The following RNF180 variants were observed in gnomAD, a reference collection of about 807,000 sequenced individuals.
RNF180 encodes the protein E3 ubiquitin-protein ligase RNF180.
In RNF180, 38 loss-of-function variants were observed where a neutral mutation model predicts 59.2. The ratio of observed to expected loss-of-function variants is 0.64; its 90% confidence interval spans 0.50 to 0.84. The LOEUF (loss-of-function observed/expected upper bound fraction) is 0.84. Ranked by LOEUF, RNF180 falls within the 40% of genes least tolerant of loss-of-function variation. The pLI is 0.00. For missense variants in RNF180, 705 were observed against 700.9 expected (o/e 1.01, Z -0.07); for synonymous variants, 262 against 240.3 (o/e 1.09, Z -0.84).
rs564008557 is a variant in RNF180 at position 64,249,144 on chromosome 5, C to G, written c.1227+31748C>G. On this transcript the variant is annotated intron_variant, in intron 5 of 7. Transcript: ENST00000389100. ...TGGAGGGATAGCGTTAGGAGAAATA[C>G]CTAATGTAGGTGACGGGTTAATTGG... Among the ~76,000 whole-genome samples, 12 of 152,176 alleles carry G rather than the reference C, an allele frequency of 7.9e-5. No homozygotes were observed. The South Asian group carries it at 2.3e-3, about 29-fold the overall frequency.
At chr5:64,212,000 A>G in intron 2 of RNF180, 65 bp from the exon 3 acceptor site, 1 of 940,738 alleles carries the variant, frequency 1.1e-6, no homozygotes, top group Non-Finnish European at 1.7e-6. Context: ...TTTTACTTAA[A>G]TATGAAACCT....
chr5:64,292,764 C>A lies in RNF180; in HGVS notation c.1228-32422C>A, dbSNP rs568939557. 7.9e-5 allele frequency among the ~76,000 whole-genome samples: 12 copies of A among 152,330 alleles called. 1 individual carries two copies. In the East Asian group the frequency reaches 2.3e-3, roughly 29 times the overall value. The stretch of plus-strand genomic sequence containing the variant: ...TGAACCACAGAGATATCAGCAGCCC[C>A]TCCCCCATGGGGCTTCATTCCATAG... On this transcript the variant is annotated intron_variant, in intron 5 of 7. Coordinates refer to ENST00000389100, the MANE Select transcript of RNF180 (RefSeq NM_001113561.2).
intron 7 of RNF180, among the ~76,000 whole-genome samples, chr5:64,337,771 C>A (rs1414439900): frequency 6.6e-6 from 1 of 150,564 alleles, no homozygotes; most frequent in Non-Finnish European, 1.5e-5. Flanking sequence ...GTTTTTTGTC[C>A]TTGCGATAGT....
chr5:64,181,518 CCT>C (rs1469618109), intron 1 of RNF180, among the ~76,000 whole-genome samples: 1 of 152,100 alleles, frequency 6.6e-6, no homozygotes, highest in African/African-American at 2.4e-5. Flanking sequence ...TGAAAAATGC[CCT>C]CTCTGAAAAA....
At chr5:64,263,808 T>C (rs1023846351) in intron 5 of RNF180, among the ~76,000 whole-genome samples, 7 of 152,196 alleles carry the variant, frequency 4.6e-5, no homozygotes, top group African/African-American at 1.7e-4. Context: ...TTAGTTACTT[T>C]AGTTACATCA....
rs557895301 is a variant in RNF180 at position 64,310,665 on chromosome 5, T to C, written c.1228-14521T>C. On this transcript the variant is annotated intron_variant, in intron 5 of 7. Coordinates refer to ENST00000389100, the MANE Select transcript of RNF180 (RefSeq NM_001113561.2). ...CTCAAGTGAAGTCCTAATTAGCACA[T>C]AGTTCTTTTGTAAATGGCAATCCAG... is the stretch of plus-strand genomic sequence containing the variant. Among the ~76,000 whole-genome samples, 40 of 152,036 alleles carry C rather than the reference T, an allele frequency of 2.6e-4. No homozygotes were observed. In the South Asian group the frequency reaches 7.9e-3, roughly 30 times the overall value.
At chr5:64,239,411 T>G (rs1742657371) in intron 5 of RNF180, among the ~76,000 whole-genome samples, 1 of 152,192 alleles carries the variant, frequency 6.6e-6, no homozygotes, top group South Asian at 2.1e-4. Context: ...TAGTAGTAAT[T>G]GCTTTTGCTG....
chr5:64,211,965 C>T (rs1745427284), intron 2 of RNF180, 100 bp from the exon 3 acceptor site: 3 of 658,234 alleles, frequency 4.6e-6, no homozygotes, highest in Admixed American at 5.2e-5. Flanking sequence ...TGCCTTCTAG[C>T]TAAAATAGAA....
intron 1 of RNF180, among the ~76,000 whole-genome samples, chr5:64,198,993 T>C (rs997260866): frequency 2.0e-5 from 3 of 152,144 alleles, no homozygotes; most frequent in Non-Finnish European, 4.4e-5. Flanking sequence ...AATTTTTGTA[T>C]TTTTAGTAGA....
chr5:64,196,717 T>G (rs898002708), intron 1 of RNF180, among the ~76,000 whole-genome samples: 2 of 152,124 alleles, frequency 1.3e-5, no homozygotes, highest in Admixed American at 1.3e-4. Flanking sequence ...ATTCTCCTTG[T>G]CTAGTTTTAT....
intron 5 of RNF180, among the ~76,000 whole-genome samples, chr5:64,312,987 TA>T (rs1743849697): frequency 6.6e-6 from 1 of 152,166 alleles, no homozygotes; most frequent in African/African-American, 2.4e-5. Context: ...GAGTATCCCT[TA>T]TCTAAAATGC....
At chr5:64,293,060 C>T (rs1165605375) in intron 5 of RNF180, among the ~76,000 whole-genome samples, 1 of 152,206 alleles carries the variant, frequency 6.6e-6, no homozygotes, top group Non-Finnish European at 1.5e-5. Context: ...AGGCAGTTTT[C>T]CAGCCTGTTG....
chr5:64,222,599 G>A (rs1741413004), intron 5 of RNF180, among the ~76,000 whole-genome samples: 1 of 152,174 alleles, frequency 6.6e-6, no homozygotes, highest in South Asian at 2.1e-4. Flanking sequence ...AGTAGCTAAG[G>A]TTTTTATTGG....
At chr5:64,242,395 A>G (rs1742859560) in intron 5 of RNF180, among the ~76,000 whole-genome samples, 1 of 152,216 alleles carries the variant, frequency 6.6e-6, no homozygotes, top group Non-Finnish European at 1.5e-5. Context: ...CAGTGACCCT[A>G]ATTAAATGCA....
At chr5:64,266,771 G>A (rs1346582364) in intron 5 of RNF180, among the ~76,000 whole-genome samples, 2 of 152,082 alleles carry the variant, frequency 1.3e-5, no homozygotes, top group Non-Finnish European at 2.9e-5. Context: ...TGTAAATCGA[G>A]AAAAGGACAG....
chr5:64,314,544 C>A (rs796727481), intron 5 of RNF180, among the ~76,000 whole-genome samples: 71 of 152,086 alleles, frequency 4.7e-4, no homozygotes, highest in African/African-American at 1.7e-3. Context: ...TCTTAAGATT[C>A]CTTTACAATC....
rs1746697043 is a variant in RNF180, at chr5:64,372,826, C to A, written c.*3012C>A. On this transcript the variant is annotated 3_prime_UTR_variant, in exon 8 of 8. Transcript: ENST00000389100. ...ATTTTCGAAGAACATTAAAGTTCTA[C>A]CAATGTAGAAGCATGAGGAATAAAA... The A allele has an allele frequency of 6.6e-6, 1 of 151,802 alleles. No individual in the cohort carries two copies. The highest frequency in any genetic ancestry group is 1.5e-5 in the Non-Finnish European group (1 of 67,908). 9.4% of individuals were successfully genotyped at this position (151,802 alleles called of 1,614,324 possible).
chr5:64,210,395 C>G (rs1240041297), intron 2 of RNF180, among the ~76,000 whole-genome samples: 2 of 152,124 alleles, frequency 1.3e-5, no homozygotes, highest in African/African-American at 4.8e-5. Flanking sequence ...TTGGCATCCA[C>G]AGATGTCTTA....
intron 7 of RNF180, among the ~76,000 whole-genome samples, chr5:64,334,465 A>C (rs1270926134): frequency 6.6e-6 from 1 of 152,108 alleles, no homozygotes; most frequent in Non-Finnish European, 1.5e-5. Flanking sequence ...TGGTCTGTTG[A>C]GGCCTGAAAA....
Sources: gnomAD v4.1 joint callset for allele counts (sites outside exome capture counted in the v4.1 genomes callset) on GRCh38, gnomAD v4.1.1 for gene constraint, MANE v1.5 for transcripts, NCBI Gene and HGNC (gene_info 2026-07-23, HGNC 2026-07-21) for gene names.